The following ZWILCH variants were observed in gnomAD, a reference collection of about 807,000 sequenced individuals.
The protein encoded by ZWILCH is protein zwilch homolog.
A neutral mutation model predicts 79.9 loss-of-function variants in ZWILCH; 74 were observed. The ratio of observed to expected loss-of-function variants is 0.93; its 90% CI spans 0.77 to 1.12. ZWILCH has a LOEUF of 1.12. ZWILCH is among the 50% of genes most tolerant of loss of function. The pLI, the probability that ZWILCH is intolerant of heterozygous loss-of-function variation, is 0.00. For missense variants in ZWILCH, 694 were observed against 687.5 expected (o/e 1.01, Z -0.11); for synonymous variants, 241 against 228.2 (o/e 1.06, Z -0.51).
At position 66,532,300 on chromosome 15, in the gene ZWILCH, T is replaced by C; in HGVS notation, c.1209T>C (p.His403=). The change falls in exon 13 of 19, where the codon CAT becomes CAC. Residue 403 remains histidine (H), a synonymous_variant. Coordinates refer to ENST00000307897, the MANE Select transcript of ZWILCH (RefSeq NM_017975.5). The stretch of plus-strand genomic sequence containing the variant: ...GTAAGCTCATTCATCAGTCTTATCA[T>C]GGAACCATGGACACAGTTTCTCTCA... ...LLSKLIHQSY[H]GTMDTVSLSG... is the part of the protein sequence containing the mutation. 1.2e-6 allele frequency: 2 copies of C among 1,612,074 alleles called. No homozygotes were observed. The highest frequency in any genetic ancestry group is 1.7e-6 in the Non-Finnish European group (2 of 1,179,136).
rs766790030 is a variant in ZWILCH, at chr15:66,527,899, A to G, written c.956A>G (p.Asp319Gly). ...LDGFGDSTKK[D>G]TEVETLKHDT... Reference sequence around the variant, plus strand: ...GGATTTGGTGATTCTACAAAAAAAGACACTGAGGTTGAGGTAAGTGATTAT... The same window carrying G: ...GGATTTGGTGATTCTACAAAAAAAGGCACTGAGGTTGAGGTAAGTGATTAT... The change falls in exon 10 of 19, where the codon GAC becomes GGC. Residue 319 changes from aspartate (D) to glycine (G), a missense_variant. Transcript: ENST00000307897. 47 of 1,600,996 alleles carry G rather than the reference A, an allele frequency of 2.9e-5. No individual in the cohort carries two copies. The highest frequency in any genetic ancestry group is 2.3e-4 in the Admixed American group (13 of 55,800).
chr15:66,523,917 C>G (rs1026378661), intron 8 of ZWILCH, among the ~76,000 whole-genome samples, 169 bp downstream of exon 8: 3 of 152,148 alleles, frequency 2.0e-5, no homozygotes, highest in African/African-American at 4.8e-5. Context: ...GGTAGTTGTC[C>G]TTACAATTAA....
chr15:66,549,758 C>T lies in ZWILCH; in HGVS notation c.*1434C>T, dbSNP rs2140829492. ...GGCTTTTCCTCTCCTTGCCCAAGCCCACTATAACAAAAATAGTAGGTATAT... is the reference window on the plus strand; with the variant it reads ...GGCTTTTCCTCTCCTTGCCCAAGCCTACTATAACAAAAATAGTAGGTATAT... On this transcript the variant is annotated 3_prime_UTR_variant, in exon 19 of 19. Coordinates refer to ENST00000307897, the MANE Select transcript of ZWILCH (RefSeq NM_017975.5). 4.3e-6 allele frequency: 1 copy of T among 232,066 alleles called. No individual in the cohort carries two copies. The highest frequency in any genetic ancestry group is 1.3e-4 in the South Asian group (1 of 7,588). The allele number at this position is 232,066 out of a possible 1,614,324, so 14.4% of individuals were successfully genotyped here.
At chr15:66,535,104 C>T (rs1330451122) in intron 14 of ZWILCH, among the ~76,000 whole-genome samples, 1 of 151,744 alleles carries the variant, frequency 6.6e-6, no homozygotes, top group Non-Finnish European at 1.5e-5. Flanking sequence ...CACACATTCG[C>T]CTAGGTTGGG....
At chr15:66,508,251 T>C (rs1595900749) in intron 1 of ZWILCH, among the ~76,000 whole-genome samples, 1 of 152,354 alleles carries the variant, frequency 6.6e-6, no homozygotes, top group South Asian at 2.1e-4. Context: ...TTTAAAACTT[T>C]CTTGAATTAA....
At chr15:66,520,955 T>C (rs2140765569) in intron 6 of ZWILCH, 95 bp from the exon 7 acceptor site, 3 of 1,417,732 alleles carry the variant, frequency 2.1e-6, no homozygotes, top group African/African-American at 2.9e-5. Context: ...GTGTGCTCTT[T>C]TTTCTTTTGG....
chr15:66,523,207 A>G (rs993029004), intron 7 of ZWILCH, among the ~76,000 whole-genome samples: 3 of 152,124 alleles, frequency 2.0e-5, no homozygotes, highest in Non-Finnish European at 2.9e-5. Context: ...TATGTTTGCA[A>G]TCTAAGGTTT....
At chr15:66,509,153 G>A (rs892044422) in intron 2 of ZWILCH, among the ~76,000 whole-genome samples, 7 of 152,204 alleles carry the variant, frequency 4.6e-5, no homozygotes, top group African/African-American at 1.7e-4. Context: ...TGTTAGCCAG[G>A]ATGGTCTCGA....
chr15:66,536,011 T>TTAG lies in ZWILCH; in HGVS notation c.1422_1424dup (p.Val475dup), dbSNP rs1289131629. 6.2e-7 allele frequency: 1 copy of TTAG among 1,612,888 alleles called. No homozygotes were observed. The highest frequency in any genetic ancestry group is 2.2e-5 in the East Asian group (1 of 44,810). On this transcript the variant is annotated inframe_insertion, in exon 15 of 19. Transcript: ENST00000307897. The stretch of plus-strand genomic sequence containing the variant: ...AAAACTCCACCATATTCTAGAAATA[T>TTAG]TAGTCAGTTGCATGCCTTTCATTAA...
intron 17 of ZWILCH, among the ~76,000 whole-genome samples, chr15:66,542,126 A>G (rs1046697617): frequency 1.3e-5 from 2 of 152,228 alleles, no homozygotes; most frequent in Non-Finnish European, 2.9e-5. Context: ...TCTGCATGGC[A>G]AAACAGACAA....
chr15:66,533,170 T>C (rs544106533), intron 14 of ZWILCH, among the ~76,000 whole-genome samples, 157 bp downstream of exon 14: 8 of 152,148 alleles, frequency 5.3e-5, no homozygotes, highest in Admixed American at 2.6e-4. Context: ...CCTAGTAAGA[T>C]AGACAAAAAA....
intron 15 of ZWILCH, 95 bp from the exon 16 acceptor site, chr15:66,537,073 C>T (rs1895037669): frequency 3.7e-6 from 3 of 818,678 alleles, no homozygotes; most frequent in Non-Finnish European, 5.9e-6. Flanking sequence ...TAGTAGTACT[C>T]AATAAAATGT....
At chr15:66,517,417 C>CATGTGTGT (rs1555424237) in intron 4 of ZWILCH, among the ~76,000 whole-genome samples, 1 of 80,782 alleles carries the variant, frequency 1.2e-5, no homozygotes, top group Non-Finnish European at 2.4e-5. Context: ...TTTGTGTGTG[C>CATGTGTGT]GTGTGTGTGT....
intron 2 of ZWILCH, 34 bp from the exon 3 acceptor site, chr15:66,513,954 T>G (rs761844475): frequency 6.8e-7 from 1 of 1,468,596 alleles, no homozygotes; most frequent in East Asian, 2.3e-5. Flanking sequence ...TATATAAGTG[T>G]ATGTATAATG....
intron 8 of ZWILCH, among the ~76,000 whole-genome samples, chr15:66,525,380 A>G (rs1894636028): frequency 1.3e-5 from 2 of 152,194 alleles, no homozygotes; most frequent in East Asian, 3.8e-4. Flanking sequence ...AGAATCTTAG[A>G]TATACATGTG....
Position 66,536,068 on chromosome 15 carries a change from C to T in ZWILCH, c.1477C>T (p.Gln493Ter), listed in dbSNP as rs1233813750. 1.9e-6 allele frequency: 3 copies of T among 1,602,368 alleles called. No homozygotes were observed. Among genetic ancestry groups the T allele is most frequent in the Middle Eastern group, 1.7e-4 (1 of 6,026 alleles). Reference sequence around the variant, plus strand: ...ACATGAACTCCTCTTTTCTTTAACACAGTAAGTACATCTGTATTCTTCACT... The same window carrying T: ...ACATGAACTCCTCTTTTCTTTAACATAGTAAGTACATCTGTATTCTTCACT... Reference protein sequence around the residue: ...SQHELLFSLTQICIKYYKQNP... With the variant: ...SQHELLFSLT The change falls in exon 15 of 19, where the codon CAG becomes TAG. Residue 493 changes from glutamine to a stop codon, truncating the protein, a stop_gained and splice_region_variant. Transcript: ENST00000307897. LOFTEE classifies it high-confidence loss of function.
At chr15:66,525,756 CTTTTTT>C (rs66835007) in intron 8 of ZWILCH, among the ~76,000 whole-genome samples, 3 of 93,480 alleles carry the variant, frequency 3.2e-5, no homozygotes, top group African/African-American at 1.3e-4. Flanking sequence ...TCACATTTTT[CTTTTTT>C]TTTTTTTTTT....
intron 4 of ZWILCH, among the ~76,000 whole-genome samples, chr15:66,517,446 A>G (rs112679216): frequency 8.0e-5 from 10 of 125,782 alleles, no homozygotes; most frequent in South Asian, 2.4e-4. Context: ...ATATATATAT[A>G]TATATATATA....
intron 12 of ZWILCH, 122 bp from the exon 13 acceptor site, chr15:66,532,125 A>G: frequency 1.4e-6 from 1 of 698,126 alleles, no homozygotes; most frequent in Non-Finnish European, 2.3e-6. Context: ...TTATAGTGTT[A>G]GGAGACTAGG....
Sources: gnomAD v4.1 joint callset for allele counts (sites outside exome capture counted in the v4.1 genomes callset) on GRCh38, gnomAD v4.1.1 for gene constraint, MANE v1.5 for transcripts, NCBI Gene and HGNC (gene_info 2026-07-23, HGNC 2026-07-21) for gene names.